The following PHF12 variants were observed in gnomAD, a reference collection of about 807,000 sequenced individuals.
The protein encoded by PHF12 is PHD factor 1.
PHF12 carries 6 observed loss-of-function variants against 99.8 expected under a neutral mutation model. That is an observed-to-expected ratio of 0.06 (90% CI 0.03 to 0.12). The LOEUF is 0.12. Ranked by LOEUF, PHF12 falls within the 10% of genes least tolerant of loss-of-function variation. The pLI, the probability that PHF12 is intolerant of heterozygous loss-of-function variation, is 1.00. For missense variants in PHF12, 954 were observed against 1,300.1 expected (o/e 0.73, Z 4.09); for synonymous variants, 480 against 514.9 (o/e 0.93, Z 0.92).
chr17:28,908,744 A>G, intron 12 of PHF12, 39 bp downstream of exon 12: 4 of 1,596,442 alleles, frequency 2.5e-6, no homozygotes, highest in Non-Finnish European at 3.4e-6. Flanking sequence ...TTAGGGCTGA[A>G]CAGATTCAGT....
At chr17:28,919,633 G>T (rs1245258467) in intron 5 of PHF12, among the ~76,000 whole-genome samples, 1 of 152,094 alleles carries the variant, frequency 6.6e-6, no homozygotes, top group Non-Finnish European at 1.5e-5. Flanking sequence ...CCAGCTACTC[G>T]GGAGGCTGAG....
At chr17:28,921,845 C>T (rs892804836) in intron 4 of PHF12, 37 bp from the exon 5 acceptor site, 1 of 1,611,146 alleles carries the variant, frequency 6.2e-7, no homozygotes. Flanking sequence ...CTATCCCTGG[C>T]TTCAGAGTTC....
chr17:28,913,758 G>A (rs1055818387), intron 8 of PHF12, 121 bp downstream of exon 8: 3 of 1,359,406 alleles, frequency 2.2e-6, no homozygotes, highest in African/African-American at 2.9e-5. Context: ...CAACTCTTGA[G>A]GGGTTAGGAT....
intron 2 of PHF12, among the ~76,000 whole-genome samples, chr17:28,929,291 G>A (rs1326190519): frequency 6.6e-6 from 1 of 151,284 alleles, no homozygotes; most frequent in Non-Finnish European, 1.5e-5. Context: ...TGCCCAGGCT[G>A]GAGTGCAATG....
rs898236255 is a variant in PHF12 at position 28,949,779 on chromosome 17, C to G, written c.248+286G>C. ...TCCTCCCCCGCCACTGCCGGCTGTC[C>G]CCGGCCGGCTCTGTCCCGGCTCCCC... is the stretch of plus-strand genomic sequence containing the variant. On this transcript the variant is annotated intron_variant, in intron 2 of 14. Transcript: ENST00000332830. The surrounding 1 kb of genome is among the most constrained non-coding windows in gnomAD (Gnocchi z 4.6). 3 of 307,244 alleles carry G rather than the reference C, an allele frequency of 9.8e-6. No individual in the cohort carries two copies. Among genetic ancestry groups the G allele is most frequent in the Non-Finnish European group, 1.8e-5 (3 of 167,782 alleles). The allele number at this position is 307,244 out of a possible 1,614,324, so 19.0% of individuals were successfully genotyped here.
chr17:28,942,577 C>T (rs182141104), intron 2 of PHF12, among the ~76,000 whole-genome samples: 17 of 151,898 alleles, frequency 1.1e-4, no homozygotes, highest in African/African-American at 2.7e-4. Context: ...CAGCACTTTG[C>T]GAGGCCGAGG....
chr17:28,948,528 G>A (rs919047689), intron 2 of PHF12, among the ~76,000 whole-genome samples: 1 of 152,196 alleles, frequency 6.6e-6, no homozygotes, highest in Non-Finnish European at 1.5e-5. Context: ...AATTTTACAA[G>A]CTGGGATGGG....
chr17:28,924,439 G>T (rs2152667191), intron 3 of PHF12, 137 bp from the exon 4 acceptor site: 1 of 1,173,522 alleles, frequency 8.5e-7, no homozygotes, highest in South Asian at 1.3e-5. Flanking sequence ...CTGGTCACTT[G>T]GAACACTGGT....
chr17:28,934,845 C>T (rs2040478934), intron 2 of PHF12, among the ~76,000 whole-genome samples: 1 of 152,182 alleles, frequency 6.6e-6, no homozygotes, highest in South Asian at 2.1e-4. Flanking sequence ...AGGTGATCTA[C>T]CCGCCTATGC....
Position 28,924,226 on chromosome 17 carries a change from C to G in PHF12, c.398G>C (p.Ser133Thr). 6.2e-7 allele frequency: 1 copy of G among 1,614,224 alleles called. No individual in the cohort carries two copies. Among genetic ancestry groups the G allele is most frequent in the South Asian group, 1.1e-5 (1 of 91,088 alleles). Residue 133 changes from serine (S) to threonine (T), a missense_variant, in exon 4 of 15, where the codon AGC becomes ACC. By Grantham distance (58) the Ser-to-Thr change is moderately conservative. Around this residue, in one of 8 missense-constraint regions of PHF12, gnomAD observed 109 missense variants for 145.4 expected, o/e 0.75. Coordinates refer to ENST00000332830, the MANE Select transcript of PHF12 (RefSeq NM_001033561.2). ...DKSGKRTTSP[S>T]SDTDLLDRSA... ...TCTGTCCAACAAGTCAGTGTCACTG[C>G]TGGGGGATGTAGTCCGTTTGCCAGA...
chr17:28,906,789 G>A lies in PHF12; in HGVS notation c.2680+67C>T. ...TGGGAAGGCAAGAGACAGACCATGG[G>A]CAGCAAGTCAGAACCACCCTGACTG... On this transcript the variant is annotated intron_variant, in intron 14 of 14. Transcript: ENST00000332830. The surrounding 1 kb of genome is among the most constrained non-coding windows in gnomAD (Gnocchi z 4.2). 1 of 1,527,598 alleles carries A rather than the reference G, an allele frequency of 6.5e-7. No individual in the cohort carries two copies. The highest frequency in any genetic ancestry group is 2.3e-5 in the East Asian group (1 of 44,106). The allele number at this position is 1,527,598 out of a possible 1,614,324, so 94.6% of individuals were successfully genotyped here.
Position 28,913,006 on chromosome 17 carries a change from C to A in PHF12, c.1565G>T (p.Cys522Phe). Residue 522 changes from cysteine (C) to phenylalanine (F), a missense_variant, in exon 9 of 15, where the codon TGC (cysteine) becomes TTC (phenylalanine). Physicochemically the swap from Cys to Phe is radical, Grantham distance 205. Transcript: ENST00000332830. ...HQSPALEDIG[C>F]SSCAEKSKKT... ...CTTGGATTTTTCCGCACAAGAACTGCAGCCGATGTCCTCTAGGGCTGGGGA... is the reference window on the plus strand; with the variant it reads ...CTTGGATTTTTCCGCACAAGAACTGAAGCCGATGTCCTCTAGGGCTGGGGA... 6.2e-7 allele frequency: 1 copy of A among 1,614,198 alleles called. No homozygotes were observed. The highest frequency in any genetic ancestry group is 2.2e-5 in the East Asian group (1 of 44,874).
chr17:28,928,982 G>A (rs370459930), intron 2 of PHF12, among the ~76,000 whole-genome samples: 2 of 151,716 alleles, frequency 1.3e-5, no homozygotes, highest in Non-Finnish European at 2.9e-5. Context: ...TGTAGTCCCA[G>A]CTACTCAGGA....
At position 28,951,467 on chromosome 17, in the gene PHF12, C is replaced by A; in HGVS notation, c.-507G>T. 1 of 985,568 alleles carries A rather than the reference C, an allele frequency of 1.0e-6. No homozygotes were observed. The highest frequency in any genetic ancestry group is 1.2e-6 in the Non-Finnish European group (1 of 830,030). 61.1% of individuals were successfully genotyped at this position (985,568 alleles called of 1,614,324 possible). ...TGCCGCGCACTTGGCGCAAACTTAC[C>A]GCGAGCGCCCGCAAAGCCACCCGCG... On this transcript the variant is annotated 5_prime_UTR_variant, in exon 1 of 15. Coordinates refer to ENST00000332830, the MANE Select transcript of PHF12 (RefSeq NM_001033561.2).
chr17:28,912,113 G>A, intron 9 of PHF12: 1 of 1,068,876 alleles, frequency 9.4e-7, no homozygotes, highest in Non-Finnish European at 1.1e-6. Flanking sequence ...CAGAACCTCA[G>A]GCTGATCATA....
In PHF12 at chr17:28,950,709, T is replaced by C. The variant is rs2040794804; in HGVS notation, c.66+186A>G. ...GAGGGCGGCGGGTAGGTGAAACTGCTGCAAACGTCCTCGGAGGCTGAGCTC... is the reference window on the plus strand; with the variant it reads ...GAGGGCGGCGGGTAGGTGAAACTGCCGCAAACGTCCTCGGAGGCTGAGCTC... On this transcript the variant is annotated intron_variant, in intron 1 of 14. Coordinates refer to ENST00000332830, the MANE Select transcript of PHF12 (RefSeq NM_001033561.2). This position sits in a 1 kb window ranked among gnomAD's most constrained non-coding sequence, Gnocchi z 5.7. 5 of 838,958 alleles carry C rather than the reference T, an allele frequency of 6.0e-6. No homozygotes were observed. The South Asian group carries it at 7.2e-5, about 12-fold the overall frequency. The allele number at this position is 838,958 out of a possible 1,614,324, so 52.0% of individuals were successfully genotyped here. A position where few individuals can be genotyped will look rare whatever the true frequency, so the allele number is the denominator to read the frequency against.
At chr17:28,934,892 T>A (rs989611237) in intron 2 of PHF12, among the ~76,000 whole-genome samples, 2 of 152,342 alleles carry the variant, frequency 1.3e-5, no homozygotes, top group Admixed American at 6.5e-5. Flanking sequence ...TAAGCCACTG[T>A]GTCCAGCATG....
intron 6 of PHF12, among the ~76,000 whole-genome samples, chr17:28,918,690 A>G (rs965436503): frequency 6.6e-6 from 1 of 152,228 alleles, no homozygotes; most frequent in African/African-American, 2.4e-5. Context: ...GCTCTTTTCT[A>G]GCCTCAGTCT....
Position 28,917,375 on chromosome 17 carries a change from A to G in PHF12, c.1044T>C (p.His348=), listed in dbSNP as rs762835142. The change falls in exon 7 of 15, where the codon CAT becomes CAC. Residue 348 remains histidine (H), a synonymous_variant. Coordinates refer to ENST00000332830, the MANE Select transcript of PHF12 (RefSeq NM_001033561.2). ...GGTTCAGGAAGTCCACTTTGACGAC[A>G]TGCTGCGAAACGGTGTCCTGGAAAC... is the stretch of plus-strand genomic sequence containing the variant. ...FDRFQDTVSQ[H]VVKVDFLNRI... The G allele has an allele frequency of 6.2e-7, 1 of 1,614,136 alleles. No homozygotes were observed. Among genetic ancestry groups the G allele is most frequent in the East Asian group, 2.2e-5 (1 of 44,878 alleles).
Sources: gnomAD v4.1 joint callset for allele counts (sites outside exome capture counted in the v4.1 genomes callset) on GRCh38, gnomAD v4.1.1 for gene constraint, gnomAD v4.1.1 regional missense constraint, Gnocchi (gnomAD v3.1) non-coding constraint, MANE v1.5 for transcripts, NCBI Gene and HGNC (gene_info 2026-07-23, HGNC 2026-07-21) for gene names.